ADCK5: variants seen among roughly 807,000 people sequenced by gnomAD.
ADCK5 encodes the protein aarF domain containing kinase 5.
Under a neutral mutation model 64.9 loss-of-function variants are expected in ADCK5, and 43 were observed. The ratio of observed to expected loss-of-function variants is 0.66; its 90% CI spans 0.52 to 0.85. ADCK5 has a LOEUF of 0.85. ADCK5 is among the 40% of genes least tolerant of loss of function. The probability of loss-of-function intolerance (pLI) is 0.00; values close to 1 mark genes in which losing one functional copy is unlikely to be tolerated. For synonymous variants in ADCK5, 434 were observed against 342.8 expected (o/e 1.27, Z -2.94); for missense variants, 760 against 810.5 (o/e 0.94, Z 0.76).
intron 3 of ADCK5, among the ~76,000 whole-genome samples, chr8:144,387,159 A>T (rs1300136109): frequency 1.3e-5 from 2 of 152,168 alleles, no homozygotes; most frequent in Non-Finnish European, 2.9e-5. Flanking sequence ...AATAATTACC[A>T]TCTCATCTTT....
chr8:144,392,525 G>C lies in ADCK5; in HGVS notation c.1348G>C (p.Glu450Gln). 1.3e-6 allele frequency: 2 copies of C among 1,550,296 alleles called. No homozygotes were observed. The highest frequency in any genetic ancestry group is 2.3e-5 in the South Asian group (2 of 85,156). The part of the protein sequence containing the change: ...QLWGSHLLSR[E>Q]EAAYMVDMAR... Reference sequence around the variant, plus strand: ...GTGGGGCTCGCACCTACTGAGCCGCGAAGAGGCGGCCTACATGGTGGACAT... The same window carrying C: ...GTGGGGCTCGCACCTACTGAGCCGCCAAGAGGCGGCCTACATGGTGGACAT... The change falls in exon 13 of 15, where the codon GAA (glutamate) becomes CAA (glutamine). Residue 450 changes from glutamate (E) to glutamine (Q), a missense_variant. By Grantham distance (29) the Glu-to-Gln change is conservative. Transcript: ENST00000308860.
Position 144,388,062 on chromosome 8 carries a change from C to T in ADCK5, c.267-2609C>T, listed in dbSNP as rs555312014. 3.0e-4 allele frequency among the ~76,000 whole-genome samples: 46 copies of T among 152,154 alleles called. 2 individuals are homozygous for T. The South Asian group carries it at 9.6e-3, about 32-fold the overall frequency. ...CATTTTGTGAAAAACTTCAAACATACAGCAATGTTGAAAATGCTCTGTGAG... is the reference window on the plus strand; with the variant it reads ...CATTTTGTGAAAAACTTCAAACATATAGCAATGTTGAAAATGCTCTGTGAG... On this transcript the variant is annotated intron_variant, in intron 3 of 14. Transcript: ENST00000308860.
Position 144,391,061 on chromosome 8 carries a change from G to A in ADCK5, c.543+5G>A, listed in dbSNP as rs781810100. The A allele has an allele frequency of 1.2e-6, 2 of 1,611,812 alleles. No homozygotes were observed. Among genetic ancestry groups the A allele is most frequent in the African/African-American group, 2.7e-5 (2 of 74,940 alleles). Reference sequence around the variant, plus strand: ...CTCAAGCGGGGCTTCCAGGAGGTGAGTGTGCGCTCAGGCCGAGGGAGGTGG... The same window carrying A: ...CTCAAGCGGGGCTTCCAGGAGGTGAATGTGCGCTCAGGCCGAGGGAGGTGG... On this transcript the variant is annotated splice_donor_5th_base_variant and intron_variant, in intron 5 of 14. Transcript: ENST00000308860.
In ADCK5 at chr8:144,392,458, C is replaced by A. The variant is rs1260876438; in HGVS notation, c.1281C>A (p.Phe427Leu). The A allele has an allele frequency of 2.6e-6, 3 of 1,143,342 alleles. No homozygotes were observed. The highest frequency in any genetic ancestry group is 1.2e-4 in the East Asian group (2 of 16,328). 70.8% of individuals were successfully genotyped at this position (1,143,342 alleles called of 1,614,324 possible). The change falls in exon 13 of 15, where the codon TTC (phenylalanine) becomes TTA (leucine). Residue 427 changes from phenylalanine to leucine, a missense_variant. Physicochemically the swap from Phe to Leu is conservative, Grantham distance 22. Transcript: ENST00000308860. ...CTCCCTCCCCAGACTACCTCCTGTT[C>A]GCCGAGATGCTCATGCAGCGCCCCG... is the stretch of plus-strand genomic sequence containing the variant. ...AALGVQDYLL[F>L]AEMLMQRPVR...
rs1459208740 is a variant in ADCK5 at position 144,376,909 on chromosome 8, C to T, written c.13-2478C>T. Reference sequence around the variant, plus strand: ...AATCAGCACTTGCTGCATGTGACCTCGCCAAGCAGGGGTTTCTGTCAACCC... The same window carrying T: ...AATCAGCACTTGCTGCATGTGACCTTGCCAAGCAGGGGTTTCTGTCAACCC... On this transcript the variant is annotated intron_variant, in intron 1 of 14. Coordinates refer to ENST00000308860, the MANE Select transcript of ADCK5 (RefSeq NM_174922.5). This position sits in a 1 kb window ranked among gnomAD's most constrained non-coding sequence, Gnocchi z 5.1. 1.3e-5 allele frequency among the ~76,000 whole-genome samples: 2 copies of T among 152,226 alleles called. No individual in the cohort carries two copies. Among genetic ancestry groups the T allele is most frequent in the Non-Finnish European group, 1.5e-5 (1 of 68,036 alleles).
At chr8:144,377,694 TCTC>T (rs1554857417) in intron 1 of ADCK5, among the ~76,000 whole-genome samples, 1 of 152,162 alleles carries the variant, frequency 6.6e-6, no homozygotes, top group East Asian at 1.9e-4. Flanking sequence ...CATGTCCTCT[TCTC>T]CTCCAAGTAA....
Position 144,383,240 on chromosome 8 carries a change from C to G in ADCK5, c.266+10C>G. 1 of 1,559,688 alleles carries G rather than the reference C, an allele frequency of 6.4e-7. No homozygotes were observed. The stretch of plus-strand genomic sequence containing the variant: ...TGGGGCGCTTTGGCAGGTAGGAGGG[C>G]CTGGCGGCAGGCAGGGGTTGCGGCG... On this transcript the variant is annotated intron_variant, in intron 3 of 14. Coordinates refer to ENST00000308860, the MANE Select transcript of ADCK5 (RefSeq NM_174922.5).
chr8:144,383,151 G>A lies in ADCK5; in HGVS notation c.187G>A (p.Gly63Arg). Residue 63 changes from glycine (G) to arginine (R), a missense_variant, in exon 3 of 15, where the codon GGA becomes AGA. By Grantham distance (125) the Gly-to-Arg change is moderately radical. This residue lies in a region of ADCK5 where 427 missense variants were observed against 518.4 expected (regional missense o/e 0.82). Coordinates refer to ENST00000308860, the MANE Select transcript of ADCK5 (RefSeq NM_174922.5). Reference protein sequence around the residue: ...TAVVGAPLLLGARYVMAEARE... With the variant: ...TAVVGAPLLLRARYVMAEARE... ...GGTAGTGGGGGCGCCCCTGCTCCTCGGAGCCCGCTATGTCATGGCAGAGGC... is the reference window on the plus strand; with the variant it reads ...GGTAGTGGGGGCGCCCCTGCTCCTCAGAGCCCGCTATGTCATGGCAGAGGC... 3.1e-6 allele frequency: 5 copies of A among 1,594,612 alleles called. No homozygotes were observed. Among genetic ancestry groups the A allele is most frequent in the Non-Finnish European group, 4.3e-6 (5 of 1,171,050 alleles).
chr8:144,379,236 G>C, intron 1 of ADCK5, 151 bp from the exon 2 acceptor site: 1 of 483,616 alleles, frequency 2.1e-6, no homozygotes, highest in Non-Finnish European at 3.6e-6. Context: ...CCCGGCCTGG[G>C]TAGTTCTTTA....
At position 144,390,761 on chromosome 8, in the gene ADCK5, C is replaced by T. The variant is rs782131015; in HGVS notation, c.342+15C>T. ...GGGTGGAAGAGGTTTGTCCTGGTGC[C>T]CTGGGCACACAGTGGTGGGCATGAG... On this transcript the variant is annotated intron_variant, in intron 4 of 14. Coordinates refer to ENST00000308860, the MANE Select transcript of ADCK5 (RefSeq NM_174922.5). 6.2e-7 allele frequency: 1 copy of T among 1,612,728 alleles called. No individual in the cohort carries two copies. Among genetic ancestry groups the T allele is most frequent in the African/African-American group, 1.3e-5 (1 of 74,904 alleles).
At chr8:144,388,575 C>T (rs7817189) in intron 3 of ADCK5, among the ~76,000 whole-genome samples, 72,872 of 151,524 alleles carry the variant, frequency 0.48, 18,667 homozygotes, top group Middle Eastern at 0.69. Flanking sequence ...CCATCCTGGC[C>T]AACACGGTGA....
chr8:144,391,399 C>T lies in ADCK5; in HGVS notation c.723C>T (p.Asp241=). 1 of 1,613,246 alleles carries T rather than the reference C, an allele frequency of 6.2e-7. No individual in the cohort carries two copies. Among genetic ancestry groups the T allele is most frequent in the South Asian group, 1.1e-5 (1 of 91,074 alleles). The change falls in exon 7 of 15, where the codon GAC becomes GAT. Residue 241 remains aspartate, a synonymous_variant. Coordinates refer to ENST00000308860, the MANE Select transcript of ADCK5 (RefSeq NM_174922.5). ...YIDLRDRFDG[D]IHTLELLLRL... Reference sequence around the variant, plus strand: ...ACCTGCGGGACCGCTTTGATGGGGACATCCACACCCTGGAGCTCCTGCTGC... The same window carrying T: ...ACCTGCGGGACCGCTTTGATGGGGATATCCACACCCTGGAGCTCCTGCTGC...
Position 144,390,736 on chromosome 8 carries a change from G to C in ADCK5, c.332G>C (p.Gly111Ala), listed in dbSNP as rs571243432. ...YWWCTNVVLR[G>A]VEENSPGYLE... ...TGGTGCACCAATGTTGTCCTTCGAG[G>C]GGTGGAAGAGGTTTGTCCTGGTGCC... The change falls in exon 4 of 15, where the codon GGG becomes GCG. Residue 111 changes from glycine to alanine, a missense_variant. By Grantham distance (60) the Gly-to-Ala change is moderately conservative (BLOSUM62 0). Coordinates refer to ENST00000308860, the MANE Select transcript of ADCK5 (RefSeq NM_174922.5). 1 of 1,613,832 alleles carries C rather than the reference G, an allele frequency of 6.2e-7. No individual in the cohort carries two copies. Among genetic ancestry groups the C allele is most frequent in the African/African-American group, 1.3e-5 (1 of 75,046 alleles).
intron 2 of ADCK5, 29 bp downstream of exon 2, chr8:144,379,519 C>A: frequency 1.3e-6 from 2 of 1,533,258 alleles, no homozygotes; most frequent in East Asian, 2.3e-5. Flanking sequence ...GCATGCGCCT[C>A]TCACCCAGGC....
chr8:144,373,936 G>C, upstream of ADCK5: 4 of 843,432 alleles, frequency 4.7e-6, no homozygotes, highest in Non-Finnish European at 6.3e-6. Context: ...CCGCCGCGGA[G>C]GCCGGCACGA....
At position 144,384,226 on chromosome 8, in the gene ADCK5, T is replaced by C. The variant is rs950982195; in HGVS notation, c.266+996T>C. Among the ~76,000 whole-genome samples, 2 of 151,994 alleles carry C rather than the reference T, an allele frequency of 1.3e-5. No individual in the cohort carries two copies. ...CCGTGCCCAGCCCCCAAAGCCCTTT[T>C]GAATGGAGCGTCAGGGCAGGAAGGA... On this transcript the variant is annotated intron_variant, in intron 3 of 14. Coordinates refer to ENST00000308860, the MANE Select transcript of ADCK5 (RefSeq NM_174922.5). This position sits in a 1 kb window ranked among gnomAD's most constrained non-coding sequence, Gnocchi z 5.7.
intron 12 of ADCK5, 39 bp from the exon 13 acceptor site, chr8:144,392,406 C>G (rs1820307794): frequency 6.7e-7 from 1 of 1,491,894 alleles, no homozygotes; most frequent in African/African-American, 1.4e-5. Context: ...GCGGAACCCA[C>G]TCAGAGCCCC....
chr8:144,392,418 T>TCCCCG, intron 12 of ADCK5, 27 bp from the exon 13 acceptor site: 1 of 799,264 alleles, frequency 1.3e-6, no homozygotes, highest in Non-Finnish European at 1.7e-6. Context: ...CAGAGCCCCC[T>TCCCCG]CCCTCCCTCC....
chr8:144,386,798 C>T (rs1238974993), intron 3 of ADCK5, among the ~76,000 whole-genome samples: 5 of 152,238 alleles, frequency 3.3e-5, no homozygotes, highest in South Asian at 4.1e-4. Context: ...GGTGGGTCTT[C>T]GCCCTGAGTC....
Sources: allele counts gnomAD v4.1 joint callset (sites outside exome capture counted in the v4.1 genomes callset), GRCh38; gene constraint gnomAD v4.1.1; regional missense constraint gnomAD v4.1.1; non-coding constraint Gnocchi (gnomAD v3.1); transcripts MANE v1.5; gene names NCBI Gene and HGNC (gene_info 2026-07-23, HGNC 2026-07-21).